TENM2: variants seen among roughly 807,000 people sequenced by gnomAD.
The protein encoded by TENM2 is teneurin transmembrane protein 2, also known as teneurin-2.
Under a neutral mutation model 245.2 loss-of-function variants are expected in TENM2, and 52 were observed. The ratio of observed to expected loss-of-function variants is 0.21; its 90% CI spans 0.17 to 0.27. The LOEUF (loss-of-function observed/expected upper bound fraction) is 0.27. TENM2 is among the 10% of genes least tolerant of loss of function. TENM2 has a pLI of 1.00. For synonymous variants in TENM2, 1,363 were observed against 1,438.9 expected (o/e 0.95, Z 1.19); for missense variants, 3,046 against 3,666.8 (o/e 0.83, Z 4.37).
At chr5:167,102,379 G>C in the TENM2 span, among the ~76,000 whole-genome samples, 1 of 152,126 alleles carries the variant, frequency 6.6e-6, no homozygotes, top group Non-Finnish European at 1.5e-5. Context: ...ATTGCTTGCT[G>C]TGTGGCAGGT....
chr5:168,232,772 C>T (rs1381441887), intron 25 of TENM2, among the ~76,000 whole-genome samples: 4 of 152,222 alleles, frequency 2.6e-5, no homozygotes. Context: ...GGAGGCATCT[C>T]TTAGTGGAGG....
chr5:168,233,230 G>A (rs1220593505), intron 25 of TENM2, among the ~76,000 whole-genome samples: 3 of 152,182 alleles, frequency 2.0e-5, no homozygotes, highest in African/African-American at 4.8e-5. Context: ...GGAGGCTGAG[G>A]CAGGAGAATC....
intron 1 of TENM2, among the ~76,000 whole-genome samples, chr5:167,350,929 G>GATAT: frequency 1.4e-5 from 1 of 72,702 alleles, no homozygotes; most frequent in African/African-American, 4.4e-5. Context: ...TATACATATG[G>GATAT]ATATATATAT....
At chr5:168,232,756 C>G (rs150073395) in intron 25 of TENM2, among the ~76,000 whole-genome samples, 11 of 152,310 alleles carry the variant, frequency 7.2e-5, no homozygotes, top group African/African-American at 2.6e-4. Flanking sequence ...CCACAATCCT[C>G]CAGACGGAGG....
At chr5:167,974,648 C>A (rs1782296117) in intron 4 of TENM2, among the ~76,000 whole-genome samples, 1 of 152,282 alleles carries the variant, frequency 6.6e-6, no homozygotes, top group Admixed American at 6.5e-5. Flanking sequence ...TCACTATTTT[C>A]ATATGAGGAA....
chr5:167,364,485 A>G (rs1039998406), intron 1 of TENM2, among the ~76,000 whole-genome samples: 1 of 152,178 alleles, frequency 6.6e-6, no homozygotes, highest in Non-Finnish European at 1.5e-5. Context: ...TAAATTGACT[A>G]TCATACCAAT....
At chr5:167,531,069 G>A (rs965305389) in intron 2 of TENM2, among the ~76,000 whole-genome samples, 1 of 152,178 alleles carries the variant, frequency 6.6e-6, no homozygotes, top group Non-Finnish European at 1.5e-5. Flanking sequence ...GGTGTCACAG[G>A]ACATCTAATA....
At chr5:168,148,914 G>A (rs1756376378) in intron 12 of TENM2, among the ~76,000 whole-genome samples, 1 of 115,892 alleles carries the variant, frequency 8.6e-6, no homozygotes, top group Non-Finnish European at 1.9e-5. Context: ...TAGATAGATA[G>A]ATAGATTGAT....
At chr5:167,074,257 C>CA in the TENM2 span, among the ~76,000 whole-genome samples, 1 of 152,044 alleles carries the variant, frequency 6.6e-6, no homozygotes, top group Non-Finnish European at 1.5e-5. Flanking sequence ...ATTAGACAAA[C>CA]CAGTGGAAAA....
chr5:167,337,123 CAAAAAAAAAAAA>C (rs71591174), intron 1 of TENM2, among the ~76,000 whole-genome samples: 2 of 56,668 alleles, frequency 3.5e-5, no homozygotes, highest in African/African-American at 8.9e-5. Flanking sequence ...GACTCCGTCT[CAAAAAAAAAAAA>C]AAAAAAAAAA....
At chr5:167,902,844 G>T (rs1189876886) in intron 3 of TENM2, among the ~76,000 whole-genome samples, 1 of 152,128 alleles carries the variant, frequency 6.6e-6, no homozygotes, top group African/African-American at 2.4e-5. Flanking sequence ...GGCTGTATTT[G>T]TTCTGAACAG....
At chr5:167,249,737 G>T in the TENM2 span, among the ~76,000 whole-genome samples, 1 of 152,028 alleles carries the variant, frequency 6.6e-6, no homozygotes, top group South Asian at 2.1e-4. Flanking sequence ...TCCTATCAAG[G>T]AATCAAGACA....
chr5:168,196,547 C>T (rs1018186731), intron 15 of TENM2, among the ~76,000 whole-genome samples: 6 of 152,138 alleles, frequency 3.9e-5, no homozygotes, highest in East Asian at 1.9e-4. Context: ...CTGCAACCTC[C>T]GCCTCCTGAG....
chr5:167,390,905 T>C (rs1761713468), intron 2 of TENM2, among the ~76,000 whole-genome samples: 1 of 152,156 alleles, frequency 6.6e-6, no homozygotes, highest in Non-Finnish European at 1.5e-5. Flanking sequence ...CTCCACAATA[T>C]AGTCCAATTT....
chr5:168,083,728 A>T (rs1338858973), intron 7 of TENM2, among the ~76,000 whole-genome samples: 2 of 152,176 alleles, frequency 1.3e-5, no homozygotes, highest in East Asian at 3.8e-4. Context: ...GAAGTAATAG[A>T]CGTTTTTTAA....
At chr5:167,584,731 G>A (rs56675422) in intron 2 of TENM2, among the ~76,000 whole-genome samples, 2,456 of 147,192 alleles carry the variant, frequency 0.017, 67 homozygotes, top group African/African-American at 0.059. Context: ...GTCTCGCTCT[G>A]TCGCCCAGGC....
intron 2 of TENM2, among the ~76,000 whole-genome samples, chr5:167,579,675 G>A (rs764961822): frequency 2.6e-5 from 4 of 152,142 alleles, no homozygotes; most frequent in Non-Finnish European, 4.4e-5. Context: ...TGAGTGTGGA[G>A]AATTCTTAAA....
At chr5:167,920,863 C>T (rs764697875) in intron 3 of TENM2, among the ~76,000 whole-genome samples, 2 of 152,150 alleles carry the variant, frequency 1.3e-5, no homozygotes, top group Admixed American at 6.5e-5. Flanking sequence ...GAATCAGCGA[C>T]AATAAAAATG....
At chr5:168,033,956 G>A (rs1017107477) in intron 5 of TENM2, among the ~76,000 whole-genome samples, 77 of 151,574 alleles carry the variant, frequency 5.1e-4, no homozygotes, top group African/African-American at 1.8e-3. Flanking sequence ...GAACCTGGGA[G>A]GCAGAGCTTA....
Sources: gnomAD v4.1 joint callset for allele counts (sites outside exome capture counted in the v4.1 genomes callset) on GRCh38, gnomAD v4.1.1 for gene constraint, MANE v1.5 for transcripts, NCBI Gene and HGNC (gene_info 2026-07-23, HGNC 2026-07-21) for gene names.